The following ANKRD44 variants were observed in gnomAD, a reference collection of about 807,000 sequenced individuals.
ANKRD44 encodes the protein serine/threonine-protein phosphatase 6 regulatory ankyrin repeat subunit B.
A neutral mutation model predicts 116.0 loss-of-function variants in ANKRD44; 35 were observed. The ratio of observed to expected loss-of-function variants is 0.30; its 90% CI spans 0.23 to 0.40. The LOEUF (loss-of-function observed/expected upper bound fraction) is 0.40. Among genes scored for constraint, ANKRD44 ranks in the 10% least tolerant of loss-of-function variants. ANKRD44 has a pLI of 1.00. For synonymous variants in ANKRD44, 435 were observed against 461.8 expected, an observed-to-expected ratio of 0.94 and a Z score of 0.74; for missense variants, 1,014 against 1,242.6, an observed-to-expected ratio of 0.82 and a Z score of 2.77.
chr2:197,166,717 A>G (rs1173648831), intron 2 of ANKRD44, among the ~76,000 whole-genome samples: 1 of 152,158 alleles, frequency 6.6e-6, no homozygotes, highest in Non-Finnish European at 1.5e-5. Flanking sequence ...CGGAGAGATT[A>G]ATTACCTAAC....
intron 1 of ANKRD44, among the ~76,000 whole-genome samples, chr2:197,242,951 T>G (rs2082120323): frequency 6.6e-6 from 1 of 152,210 alleles, no homozygotes; most frequent in Non-Finnish European, 1.5e-5. Flanking sequence ...TTCCTTTGCT[T>G]CCAGACCTGG....
At chr2:197,285,395 G>A (rs142245292) in intron 1 of ANKRD44, among the ~76,000 whole-genome samples, 12 of 152,250 alleles carry the variant, frequency 7.9e-5, no homozygotes, top group East Asian at 5.8e-4. Flanking sequence ...GCCTGCCTGC[G>A]ATGGAGCAAC....
intron 9 of ANKRD44, among the ~76,000 whole-genome samples, chr2:197,110,334 C>T (rs953927345): frequency 5.3e-5 from 8 of 152,140 alleles, no homozygotes; most frequent in Non-Finnish European, 1.0e-4. Flanking sequence ...TCCTCTAAGT[C>T]ATCTCATTTT....
At chr2:197,170,953 G>T (rs1221732683) in intron 2 of ANKRD44, among the ~76,000 whole-genome samples, 1 of 152,106 alleles carries the variant, frequency 6.6e-6, no homozygotes, top group Admixed American at 6.5e-5. Context: ...GTAAATTATT[G>T]GTCCCAGCTG....
chr2:197,111,533 G>A (rs2078565329), intron 8 of ANKRD44, among the ~76,000 whole-genome samples: 1 of 151,972 alleles, frequency 6.6e-6, no homozygotes, highest in Non-Finnish European at 1.5e-5. Flanking sequence ...CAGCTACTGG[G>A]GATGCTAAGG....
At chr2:196,991,368 T>C (rs957695764) in intron 27 of ANKRD44, among the ~76,000 whole-genome samples, 3 of 152,170 alleles carry the variant, frequency 2.0e-5, no homozygotes, top group African/African-American at 7.2e-5. Flanking sequence ...AACAATGACT[T>C]TCCATTGTTA....
chr2:197,137,686 A>G (rs1010147963), intron 3 of ANKRD44, among the ~76,000 whole-genome samples: 1 of 152,226 alleles, frequency 6.6e-6, no homozygotes, highest in Non-Finnish European at 1.5e-5. Context: ...TCCCTAAAAC[A>G]AAGACAGCTG....
At chr2:197,006,948 T>C (rs951725575) in intron 20 of ANKRD44, among the ~76,000 whole-genome samples, 2 of 151,684 alleles carry the variant, frequency 1.3e-5, no homozygotes, top group African/African-American at 4.8e-5. Context: ...CAACAGAAAA[T>C]ACAAAAATTA....
chr2:197,022,945 T>C, intron 17 of ANKRD44, among the ~76,000 whole-genome samples: 1 of 152,258 alleles, frequency 6.6e-6, no homozygotes, highest in Non-Finnish European at 1.5e-5. Context: ...TCATTTGAGA[T>C]ATTTCCTCGC....
intron 8 of ANKRD44, among the ~76,000 whole-genome samples, chr2:197,112,091 T>C (rs1024201841): frequency 6.6e-6 from 1 of 152,146 alleles, no homozygotes; most frequent in African/African-American, 2.4e-5. Flanking sequence ...CTTCTGAAAA[T>C]AGGCCCAAAA....
At chr2:197,009,889 G>A (rs905248405) in intron 18 of ANKRD44, among the ~76,000 whole-genome samples, 1 of 151,992 alleles carries the variant, frequency 6.6e-6, no homozygotes, top group African/African-American at 2.4e-5. Context: ...CTCCTGTCAT[G>A]GGACTAATAA....
intron 8 of ANKRD44, among the ~76,000 whole-genome samples, chr2:197,114,669 G>A (rs2078666680): frequency 6.6e-6 from 1 of 151,936 alleles, no homozygotes; most frequent in South Asian, 2.1e-4. Context: ...AAAGCATAAT[G>A]TTCTCTGTGG....
At chr2:196,993,010 A>C (rs1418694744) in intron 27 of ANKRD44, among the ~76,000 whole-genome samples, 2 of 152,214 alleles carry the variant, frequency 1.3e-5, no homozygotes, top group African/African-American at 4.8e-5. Flanking sequence ...CAGAGTAGAA[A>C]GCTTCTGTTA....
At chr2:197,295,872 C>T (rs2083705793) in intron 1 of ANKRD44, among the ~76,000 whole-genome samples, 3 of 151,952 alleles carry the variant, frequency 2.0e-5, no homozygotes, top group Admixed American at 6.6e-5. Context: ...CCAGACTGGG[C>T]AACATGGTGA....
chr2:197,276,730 G>T (rs1333711728), intron 1 of ANKRD44, among the ~76,000 whole-genome samples: 1 of 152,002 alleles, frequency 6.6e-6, no homozygotes. Context: ...TCCATTTCAG[G>T]AAGAGGATGT....
chr2:197,081,702 T>C lies in ANKRD44; in HGVS notation c.1481A>G (p.His494Arg), dbSNP rs751706659. 6.8e-6 allele frequency: 11 copies of C among 1,613,860 alleles called. No homozygotes were observed. The highest frequency in any genetic ancestry group is 1.6e-4 in the Middle Eastern group (1 of 6,084). ...DRNKTILGNAHDNSEELERAR... is the reference protein window; with the variant it reads ...DRNKTILGNARDNSEELERAR... ...TCTTTCAAGTTCTTCTGAATTATCA[T>C]GGGCATTTCCTAAGATAGTCTTACT... The change falls in exon 15 of 28, where the codon CAT (histidine) becomes CGT (arginine). Residue 494 changes from histidine to arginine, a missense_variant. His to Arg is a conservative substitution (Grantham distance 29). Transcript: ENST00000282272.
intron 1 of ANKRD44, among the ~76,000 whole-genome samples, chr2:197,230,933 C>T (rs551255805): frequency 3.9e-5 from 6 of 152,240 alleles, no homozygotes; most frequent in South Asian, 4.1e-4. Flanking sequence ...TGCCTATATT[C>T]CATTGGCCAG....
At chr2:197,189,732 C>T (rs1366826013) in intron 1 of ANKRD44, among the ~76,000 whole-genome samples, 5 of 152,164 alleles carry the variant, frequency 3.3e-5, no homozygotes, top group Admixed American at 6.5e-5. Context: ...CAGTGTCTGA[C>T]AAGATTTTCA....
chr2:197,242,101 T>A (rs933510961), intron 1 of ANKRD44, among the ~76,000 whole-genome samples: 5 of 152,182 alleles, frequency 3.3e-5, no homozygotes, highest in African/African-American at 1.2e-4. Flanking sequence ...ATTTCATCAA[T>A]TTATTGAATG....
Sources: gnomAD v4.1 joint callset for allele counts (sites outside exome capture counted in the v4.1 genomes callset) on GRCh38, gnomAD v4.1.1 for gene constraint, MANE v1.5 for transcripts, NCBI Gene and HGNC (gene_info 2026-07-23, HGNC 2026-07-21) for gene names.